PTX4: variants seen among roughly 807,000 people sequenced by gnomAD.
PTX4 encodes the protein pentraxin-4.
PTX4 carries 23 observed loss-of-function variants against 19.1 expected under a neutral mutation model. That is an observed-to-expected ratio of 1.20 (90% CI 0.87 to 1.70). PTX4 has a LOEUF of 1.70. Ranked by LOEUF, PTX4 falls within the 40% of genes most tolerant of loss-of-function variation. The pLI, the probability that PTX4 is intolerant of heterozygous loss-of-function variation, is 0.00. For missense variants in PTX4, 678 were observed against 610.5 expected, an observed-to-expected ratio of 1.11 and a Z score of -1.17; for synonymous variants, 317 against 279.6, an observed-to-expected ratio of 1.13 and a Z score of -1.33.
chr16:1,488,359 G>A, intron 1 of PTX4: 1 of 1,613,806 alleles, frequency 6.2e-7, no homozygotes, highest in South Asian at 1.1e-5. Flanking sequence ...AGGCCCGACA[G>A]GCCCACAGCA....
At position 1,487,584 on chromosome 16, in the gene PTX4, G is replaced by A. The variant is rs747495433; in HGVS notation, c.528C>T (p.Pro176=). 3.2e-6 allele frequency: 5 copies of A among 1,552,998 alleles called. No homozygotes were observed. Among genetic ancestry groups the A allele is most frequent in the East Asian group, 2.3e-5 (1 of 43,990 alleles). Residue 176 remains proline, a synonymous_variant, in exon 2 of 3, where the codon CCC becomes CCT. Transcript: ENST00000447419. ...GGGCTGCAGTGCCAGGGTGGGCCAC[G>A]GGCAGCCGCCCCTCCAGAGCAGCCA... The part of the protein sequence containing the change: ...ARLAALEGRL[P]VAHPGTAALG...
At position 1,487,322 on chromosome 16, in the gene PTX4, C is replaced by T; in HGVS notation, c.790G>A (p.Gly264Arg). The T allele has an allele frequency of 3.9e-6, 6 of 1,543,868 alleles. No individual in the cohort carries two copies. Among genetic ancestry groups the T allele is most frequent in the African/African-American group, 2.8e-5 (2 of 71,038 alleles). Residue 264 changes from glycine to arginine, a missense_variant, in exon 2 of 3, where the codon GGA (glycine) becomes AGA (arginine). By Grantham distance (125) the Gly-to-Arg change is moderately radical. Transcript: ENST00000447419. ...GGGAGCCTGTGGTACTTACTCTCTC[C>T]TGGCACCTGGGGGGACCATGCCTGC... ...RQQAWSPQVPGEICGVGPTLV... is the reference protein window; with the variant it reads ...RQQAWSPQVPREICGVGPTLV...
In PTX4 at chr16:1,486,237, C is replaced by T. The variant is rs775690360; in HGVS notation, c.1139G>A (p.Arg380His). 2.4e-5 allele frequency: 39 copies of T among 1,611,898 alleles called. No homozygotes were observed. The highest frequency in any genetic ancestry group is 1.6e-4 in the Middle Eastern group (1 of 6,072). The change falls in exon 3 of 3, where the codon CGC becomes CAC. Residue 380 changes from arginine to histidine, a missense_variant. Coordinates refer to ENST00000447419, the MANE Select transcript of PTX4 (RefSeq NM_001328608.2). ...TQGRYWLHVD[R>H]RLVATGSRFR... is the part of the protein sequence containing the mutation. Reference sequence around the variant, plus strand: ...GCGGGAGCCGGTGGCCACCAGCCTGCGATCCACGTGGAGCCAGTACCTGCC... The same window carrying T: ...GCGGGAGCCGGTGGCCACCAGCCTGTGATCCACGTGGAGCCAGTACCTGCC...
At chr16:1,486,600 G>A in intron 2 of PTX4, 21 bp from the exon 3 acceptor site, 1 of 1,524,540 alleles carries the variant, frequency 6.6e-7, no homozygotes, top group Admixed American at 2.2e-5. Flanking sequence ...AGGAGGGAGG[G>A]TCAACCCCTT....
chr16:1,486,591 G>A lies in PTX4; in HGVS notation c.797-12C>T. ...GCCCACGCCGCAAACTAGAAACAGA[G>A]GAGGGAGGGTCAACCCCTTGCAGGA... On this transcript the variant is annotated splice_polypyrimidine_tract_variant and intron_variant, in intron 2 of 2. Transcript: ENST00000447419. 6.5e-7 allele frequency: 1 copy of A among 1,533,228 alleles called. No homozygotes were observed. 95.0% of individuals were successfully genotyped at this position (1,533,228 alleles called of 1,614,324 possible). A position where few individuals can be genotyped will look rare whatever the true frequency, so the allele number is the denominator to read the frequency against.
intron 1 of PTX4, chr16:1,488,509 C>T: frequency 1.3e-6 from 2 of 1,584,522 alleles, no homozygotes; most frequent in Non-Finnish European, 1.7e-6. Context: ...CCCTGACTCC[C>T]TTCCAGACCC....
rs1476911534 is a variant in PTX4, at chr16:1,487,386, A to G, written c.726T>C (p.His242=). 6.5e-7 allele frequency: 1 copy of G among 1,550,316 alleles called. No individual in the cohort carries two copies. Among genetic ancestry groups the G allele is most frequent in the Non-Finnish European group, 8.7e-7 (1 of 1,154,142 alleles). The part of the protein sequence containing the change: ...GRREPPASGS[H]RVLSGTAPKD... ...TTGGGGCAGTCCCACTGAGTACCCG[A>G]TGGCTGCCTGAGGCTGGAGGCTCCC... is the stretch of plus-strand genomic sequence containing the variant. The change falls in exon 2 of 3, where the codon CAT becomes CAC. Residue 242 remains histidine, a synonymous_variant. Coordinates refer to ENST00000447419, the MANE Select transcript of PTX4 (RefSeq NM_001328608.2).
chr16:1,486,716 C>T (rs1288274957), intron 2 of PTX4, 137 bp from the exon 3 acceptor site: 2 of 860,262 alleles, frequency 2.3e-6, no homozygotes, highest in Non-Finnish European at 3.5e-6. Flanking sequence ...GCTGGCCCTG[C>T]CGATGGCTCC....
Position 1,487,605 on chromosome 16 carries a change from A to G in PTX4, c.507T>C (p.Ala169=). ...GLVHSQGARL[A]ALEGRLPVAH... is the part of the protein sequence containing the mutation. ...CCACGGGCAGCCGCCCCTCCAGAGC[A>G]GCCAGCCTGGCGCCCTGGCTGTGGA... Residue 169 remains alanine, a synonymous_variant, in exon 2 of 3, where the codon GCT becomes GCC. Coordinates refer to ENST00000447419, the MANE Select transcript of PTX4 (RefSeq NM_001328608.2). The G allele has an allele frequency of 6.4e-7, 1 of 1,568,812 alleles. No individual in the cohort carries two copies. The highest frequency in any genetic ancestry group is 8.7e-7 in the Non-Finnish European group (1 of 1,155,556).
chr16:1,487,620 C>G lies in PTX4; in HGVS notation c.492G>C (p.Gln164His). The change falls in exon 2 of 3, where the codon CAG becomes CAC. Residue 164 changes from glutamine to histidine, a missense_variant. Gln to His is a conservative substitution (Grantham distance 24). Transcript: ENST00000447419. ...CCTCCAGAGCAGCCAGCCTGGCGCCCTGGCTGTGGACGAGGCCCTCCAGGC... is the reference window on the plus strand; with the variant it reads ...CCTCCAGAGCAGCCAGCCTGGCGCCGTGGCTGTGGACGAGGCCCTCCAGGC... ...LARLEGLVHS[Q>H]GARLAALEGR... 4.4e-6 allele frequency: 7 copies of G among 1,575,324 alleles called. No homozygotes were observed. The highest frequency in any genetic ancestry group is 6.0e-6 in the Non-Finnish European group (7 of 1,158,126).
At position 1,486,085 on chromosome 16, in the gene PTX4, C is replaced by A; in HGVS notation, c.1291G>T (p.Asp431Tyr). The A allele has an allele frequency of 6.2e-7, 1 of 1,614,206 alleles. No homozygotes were observed. The highest frequency in any genetic ancestry group is 1.1e-5 in the South Asian group (1 of 91,088). The stretch of plus-strand genomic sequence containing the variant: ...ACTTCCCCGGGAACCAGCGCCCGAT[C>A]CCAGATAGCCAAGCCAGACATGCTC... ...VGSMSGLAIWDRALVPGEVAN... is the reference protein window; with the variant it reads ...VGSMSGLAIWYRALVPGEVAN... Residue 431 changes from aspartate (D) to tyrosine (Y), a missense_variant, in exon 3 of 3, where the codon GAT (aspartate) becomes TAT (tyrosine). Coordinates refer to ENST00000447419, the MANE Select transcript of PTX4 (RefSeq NM_001328608.2).
In PTX4 at chr16:1,487,832, G is replaced by A. The variant is rs2039263658; in HGVS notation, c.280C>T (p.Gln94Ter). 1 of 1,613,012 alleles carries A rather than the reference G, an allele frequency of 6.2e-7. No individual in the cohort carries two copies. The highest frequency in any genetic ancestry group is 1.3e-5 in the African/African-American group (1 of 74,920). ...GCCAGCTCCCCCTGCACCGAGGCCTGTGACCGGTTGACTGCCTGAGCCACA... is the reference window on the plus strand; with the variant it reads ...GCCAGCTCCCCCTGCACCGAGGCCTATGACCGGTTGACTGCCTGAGCCACA... ...QAVAQAVNRS[Q>*]ASVQGELAQL... Residue 94 changes from glutamine to a stop codon, truncating the protein, a stop_gained, in exon 2 of 3, where the codon CAG (glutamine) becomes TAG (stop). Transcript: ENST00000447419. LOFTEE classifies it high-confidence loss of function.
At position 1,487,448 on chromosome 16, in the gene PTX4, G is replaced by GT; in HGVS notation, c.663_664insA (p.Pro222ThrfsTer101). The GT allele has an allele frequency of 6.6e-7, 1 of 1,514,452 alleles. No homozygotes were observed. Among genetic ancestry groups the GT allele is most frequent in the African/African-American group, 1.4e-5 (1 of 70,970 alleles). 93.8% of individuals were successfully genotyped at this position (1,514,452 alleles called of 1,614,324 possible). A position where few individuals can be genotyped will look rare whatever the true frequency, so the allele number is the denominator to read the frequency against. On this transcript the variant is annotated frameshift_variant, in exon 2 of 3. Coordinates refer to ENST00000447419, the MANE Select transcript of PTX4 (RefSeq NM_001328608.2). LOFTEE classifies it high-confidence loss of function. ...AGAGGGGCCGAGGAGTCCTGTGGGGGGCCCCTGTGCTCAGAGGCAGCTCGG... is the reference window on the plus strand; with the variant it reads ...AGAGGGGCCGAGGAGTCCTGTGGGGGTGCCCCTGTGCTCAGAGGCAGCTCGG...
chr16:1,488,654 C>T (rs1008531871), intron 1 of PTX4, 115 bp downstream of exon 1: 10 of 632,596 alleles, frequency 1.6e-5, no homozygotes, highest in Middle Eastern at 2.5e-4. Flanking sequence ...GAGCGTCACA[C>T]GCGGTGTTCG....
chr16:1,487,509 C>G lies in PTX4; in HGVS notation c.603G>C (p.Pro201=), dbSNP rs201970670. Residue 201 remains proline, a synonymous_variant, in exon 2 of 3, where the codon CCG becomes CCC. Coordinates refer to ENST00000447419, the MANE Select transcript of PTX4 (RefSeq NM_001328608.2). ...TGTCCCTCTGAAGCTTCAGGGAGGT[C>G]GGGCCCAGCTCCTCAGGCTGGGTTG... ...PTPTQPEELG[P]TSLKLQRDRQ... 3 of 1,511,682 alleles carry G rather than the reference C, an allele frequency of 2.0e-6. No individual in the cohort carries two copies. The highest frequency in any genetic ancestry group is 1.8e-6 in the Non-Finnish European group (2 of 1,131,424). The allele number at this position is 1,511,682 out of a possible 1,614,324, so 93.6% of individuals were successfully genotyped here.
chr16:1,486,575 G>T lies in PTX4; in HGVS notation c.801C>A (p.Cys267Ter). 3.9e-6 allele frequency: 6 copies of T among 1,541,430 alleles called. No individual in the cohort carries two copies. The highest frequency in any genetic ancestry group is 1.3e-5 in the South Asian group (1 of 78,476). ...AWSPQVPGEI[C>*]GVGPTLVFPN... Reference sequence around the variant, plus strand: ...GGAAAACGAGGGTGGGGCCCACGCCGCAAACTAGAAACAGAGGAGGGAGGG... The same window carrying T: ...GGAAAACGAGGGTGGGGCCCACGCCTCAAACTAGAAACAGAGGAGGGAGGG... Residue 267 changes from cysteine to a stop codon, truncating the protein, a stop_gained, in exon 3 of 3, where the codon TGC (cysteine) becomes TGA (stop). Transcript: ENST00000447419. LOFTEE classifies it low-confidence loss of function (END_TRUNC).
Position 1,486,028 on chromosome 16 carries a change from T to C in PTX4, c.1348A>G (p.Thr450Ala), listed in dbSNP as rs746731260. 8.7e-6 allele frequency: 14 copies of C among 1,613,924 alleles called. No individual in the cohort carries two copies. The highest frequency in any genetic ancestry group is 4.5e-5 in the East Asian group (2 of 44,884). Reference protein sequence around the residue: ...ANLAIGKEFPTGAILTLANAA... With the variant: ...ANLAIGKEFPAGAILTLANAA... ...TTGGCCAGCGTCAGGATGGCACCTG[T>C]CGGGAACTCTTTCCCGATGGCAAGG... Residue 450 changes from threonine to alanine, a missense_variant, in exon 3 of 3, where the codon ACA (threonine) becomes GCA (alanine). Coordinates refer to ENST00000447419, the MANE Select transcript of PTX4 (RefSeq NM_001328608.2).
chr16:1,486,977 G>T (rs530392651), intron 2 of PTX4, among the ~76,000 whole-genome samples: 9 of 152,314 alleles, frequency 5.9e-5, no homozygotes, highest in African/African-American at 1.9e-4. Flanking sequence ...CTCAAATCAG[G>T]TGTGGACAGG....
Position 1,486,017 on chromosome 16 carries a change from G to A in PTX4, c.1359C>T (p.Ile453=). Reference sequence around the variant, plus strand: ...CTAGTGCAGCATTGGCCAGCGTCAGGATGGCACCTGTCGGGAACTCTTTCC... The same window carrying A: ...CTAGTGCAGCATTGGCCAGCGTCAGAATGGCACCTGTCGGGAACTCTTTCC... ...AIGKEFPTGA[I]LTLANAALAG... Residue 453 remains isoleucine (I), a synonymous_variant, in exon 3 of 3, where the codon ATC becomes ATT. Transcript: ENST00000447419. 6.2e-7 allele frequency: 1 copy of A among 1,613,968 alleles called. No homozygotes were observed. Among genetic ancestry groups the A allele is most frequent in the South Asian group, 1.1e-5 (1 of 91,088 alleles).
Sources: allele counts gnomAD v4.1 joint callset (sites outside exome capture counted in the v4.1 genomes callset), GRCh38; gene constraint gnomAD v4.1.1; transcripts MANE v1.5; gene names NCBI Gene and HGNC (gene_info 2026-07-23, HGNC 2026-07-21).